Variants in USH2A observed in about 807,000 individuals in gnomAD.
USH2A encodes the protein Usher syndrome 2A (autosomal recessive, mild).
A neutral mutation model predicts 538.9 loss-of-function variants in USH2A; 443 were observed. That is an observed-to-expected ratio of 0.82 (90% CI 0.76 to 0.89). The LOEUF (loss-of-function observed/expected upper bound fraction) is 0.89. Ranked by LOEUF, USH2A falls within the 40% of genes least tolerant of loss-of-function variation. USH2A has a pLI of 0.00. For missense variants in USH2A, 6,633 were observed against 6,324.8 expected, an observed-to-expected ratio of 1.05 and a Z score of -1.65; for synonymous variants, 2,413 against 2,273.5, an observed-to-expected ratio of 1.06 and a Z score of -1.75.
intron 37 of USH2A, among the ~76,000 whole-genome samples, chr1:215,948,493 T>C (rs1183075454): frequency 6.6e-6 from 1 of 151,600 alleles, no homozygotes; most frequent in Non-Finnish European, 1.5e-5. Context: ...TCTATACATA[T>C]ATGATCTACT....
At position 216,175,345 on chromosome 1, in the gene USH2A, G is replaced by A; in HGVS notation, c.4534C>T (p.Leu1512=). 1.2e-6 allele frequency: 2 copies of A among 1,613,824 alleles called. No homozygotes were observed. The highest frequency in any genetic ancestry group is 1.7e-6 in the Non-Finnish European group (2 of 1,179,862). The change falls in exon 21 of 72, where the codon CTG becomes TTG. Residue 1512 remains leucine, a synonymous_variant. Transcript: ENST00000307340. ...LERRESSLPA[L]MTTMMKGIRF... is the part of the protein sequence containing the mutation. ...ATTCCTTTCATCATCGTGGTCATCA[G>A]AGCTGGTAGAGATGACTCTCTCCTT...
chr1:216,390,670 A>G (rs114882225), intron 3 of USH2A, among the ~76,000 whole-genome samples: 1 of 152,202 alleles, frequency 6.6e-6, no homozygotes, highest in Non-Finnish European at 1.5e-5. Flanking sequence ...TAAATAACTT[A>G]AAAAAGATAC....
At chr1:215,951,246 A>G (rs1666904886) in intron 37 of USH2A, among the ~76,000 whole-genome samples, 1 of 152,110 alleles carries the variant, frequency 6.6e-6, no homozygotes, top group African/African-American at 2.4e-5. Flanking sequence ...AGATTCTGGT[A>G]TGTTGTGTCT....
intron 53 of USH2A, among the ~76,000 whole-genome samples, 186 bp from the exon 54 acceptor site, chr1:215,782,382 A>G (rs1273113353): frequency 7.7e-6 from 1 of 129,864 alleles, no homozygotes; most frequent in African/African-American, 3.1e-5. Context: ...GATTCTTGAC[A>G]TAAATGATAA....
chr1:216,354,996 T>C (rs1027071483), intron 4 of USH2A, among the ~76,000 whole-genome samples: 6 of 151,894 alleles, frequency 4.0e-5, no homozygotes, highest in African/African-American at 1.5e-4. Flanking sequence ...AAATAAAATC[T>C]TAACAGCATC....
intron 61 of USH2A, among the ~76,000 whole-genome samples, chr1:215,714,794 A>G (rs1212484114): frequency 6.6e-6 from 1 of 152,234 alleles, no homozygotes; most frequent in East Asian, 1.9e-4. Context: ...AGAATAAAAC[A>G]TCAATATGAC....
intron 21 of USH2A, among the ~76,000 whole-genome samples, chr1:216,129,001 C>A (rs1006910571): frequency 5.3e-5 from 8 of 151,890 alleles, no homozygotes; most frequent in African/African-American, 1.7e-4. Context: ...GGAGAACATG[C>A]AATATGTGTC....
chr1:215,857,402 AG>A (rs1664197351), intron 44 of USH2A, among the ~76,000 whole-genome samples: 1 of 152,160 alleles, frequency 6.6e-6, no homozygotes, highest in South Asian at 2.1e-4. Flanking sequence ...CTTCTCATAA[AG>A]GGTTGCAGCC....
At chr1:215,693,116 G>GTGTGTGTGTATATATATATA (rs112153911) in intron 61 of USH2A, among the ~76,000 whole-genome samples, 1 of 133,516 alleles carries the variant, frequency 7.5e-6, no homozygotes, top group Non-Finnish European at 1.6e-5. Flanking sequence ...GTGTGTATGT[G>GTGTGTGTGTATATATATATA]TATATATATA....
intron 36 of USH2A, among the ~76,000 whole-genome samples, chr1:215,969,578 C>T (rs1243355878): frequency 6.6e-6 from 1 of 150,484 alleles, no homozygotes; most frequent in Non-Finnish European, 1.5e-5. Flanking sequence ...ATAAGAAAAG[C>T]TGGCCTATTG....
intron 44 of USH2A, among the ~76,000 whole-genome samples, chr1:215,856,443 A>C (rs1034918750): frequency 7.2e-5 from 11 of 152,226 alleles, no homozygotes; most frequent in African/African-American, 2.7e-4. Context: ...AAAACATATG[A>C]AAAATACTCA....
chr1:216,371,392 C>T (rs2038710959), intron 3 of USH2A, among the ~76,000 whole-genome samples: 2 of 152,152 alleles, frequency 1.3e-5, no homozygotes, highest in South Asian at 4.1e-4. Flanking sequence ...TCTGACCTGT[C>T]AAACTGGTAC....
intron 40 of USH2A, among the ~76,000 whole-genome samples, chr1:215,893,631 A>C (rs779723902): frequency 5.9e-5 from 9 of 151,990 alleles, no homozygotes; most frequent in Non-Finnish European, 1.3e-4. Flanking sequence ...TTTTTCATTA[A>C]TTTCTTAAAG....
intron 35 of USH2A, among the ~76,000 whole-genome samples, chr1:215,989,142 A>G (rs978915280): frequency 2.6e-5 from 4 of 152,360 alleles, no homozygotes; most frequent in African/African-American, 9.6e-5. Context: ...TTCTCATTAT[A>G]GAAATTGAGT....
At chr1:216,334,588 C>T (rs2037933787) in intron 4 of USH2A, among the ~76,000 whole-genome samples, 1 of 151,866 alleles carries the variant, frequency 6.6e-6, no homozygotes, top group Non-Finnish European at 1.5e-5. Flanking sequence ...AAGAGACAAA[C>T]TCTACATTCG....
intron 37 of USH2A, among the ~76,000 whole-genome samples, chr1:215,963,689 T>A (rs1261911328): frequency 1.3e-5 from 2 of 152,132 alleles, no homozygotes; most frequent in East Asian, 3.9e-4. Context: ...TCTACATAAA[T>A]CACAGAACTA....
chr1:215,980,881 C>G (rs2813725), intron 35 of USH2A, among the ~76,000 whole-genome samples: 134,178 of 152,072 alleles, frequency 0.88, 59,452 homozygotes, highest in African/African-American at 0.97. Flanking sequence ...TGTTTTTATA[C>G]TTTGGCTATG....
In USH2A at chr1:216,068,235, C is replaced by T. The variant is rs78183731; in HGVS notation, c.6049+1866G>A. Among the ~76,000 whole-genome samples the T allele has an allele frequency of 2.6e-3, 395 of 152,244 alleles. 6 individuals carry two copies. Among genetic ancestry groups the T allele is most frequent in the Admixed American group, 0.018 (281 of 15,268 alleles). Reference sequence around the variant, plus strand: ...AGTGAGGACAAAATGAGCTTAGATACTTCATGCTAGACGAAGGCCGAGAGG... The same window carrying T: ...AGTGAGGACAAAATGAGCTTAGATATTTCATGCTAGACGAAGGCCGAGAGG... On this transcript the variant is annotated intron_variant, in intron 30 of 71. Transcript: ENST00000307340.
chr1:216,132,498 G>T (rs187081000), intron 21 of USH2A, among the ~76,000 whole-genome samples: 1 of 152,196 alleles, frequency 6.6e-6, no homozygotes, highest in East Asian at 1.9e-4. Context: ...GGCCAGCCAT[G>T]ACTGAGAAAA....
Sources: allele counts gnomAD v4.1 joint callset (sites outside exome capture counted in the v4.1 genomes callset), GRCh38; gene constraint gnomAD v4.1.1; transcripts MANE v1.5; gene names NCBI Gene and HGNC (gene_info 2026-07-23, HGNC 2026-07-21).